The following DEGS2 variants were observed in gnomAD, a reference collection of about 807,000 sequenced individuals.
The protein encoded by DEGS2 is sphingolipid delta(4)-desaturase/C4-monooxygenase DES2.
Under a neutral mutation model 23.8 loss-of-function variants are expected in DEGS2, and 19 were observed. The observed-to-expected ratio is 0.80, with a 90% CI of 0.56 to 1.17. The LOEUF (loss-of-function observed/expected upper bound fraction) is 1.17, where lower values mean the gene tolerates loss of function less well. Ranked by LOEUF, DEGS2 falls within the 50% of genes most tolerant of loss-of-function variation. DEGS2 has a pLI of 0.00. For missense variants in DEGS2, 390 were observed against 459.5 expected, an observed-to-expected ratio of 0.85 and a Z score of 1.38; for synonymous variants, 218 against 213.7, an observed-to-expected ratio of 1.02 and a Z score of -0.18.
upstream of DEGS2, among the ~76,000 whole-genome samples, chr14:100,161,337 A>T (rs936083162): frequency 6.6e-6 from 1 of 152,172 alleles, no homozygotes; most frequent in Non-Finnish European, 1.5e-5. Flanking sequence ...AGAGGGGACA[A>T]GTCAGAGGAC....
At chr14:100,158,446 C>T (rs1394730753) in intron 1 of DEGS2, among the ~76,000 whole-genome samples, 1 of 152,006 alleles carries the variant, frequency 6.6e-6, no homozygotes, top group Admixed American at 6.6e-5. Context: ...CCTGTAATCC[C>T]AGCTACTCAG....
Position 100,146,727 on chromosome 14 carries a change from G to A in DEGS2, c.*34C>T. 1 of 1,608,380 alleles carries A rather than the reference G, an allele frequency of 6.2e-7. No homozygotes were observed. The highest frequency in any genetic ancestry group is 2.2e-5 in the East Asian group (1 of 44,808). On this transcript the variant is annotated 3_prime_UTR_variant, in exon 3 of 3. Coordinates refer to ENST00000305631, the MANE Select transcript of DEGS2 (RefSeq NM_206918.3). ...GGGTGCAAGGCTGAGGGGCCGATGGGGGACAATGGCCACCACCAGGAGGCA... is the reference window on the plus strand; with the variant it reads ...GGGTGCAAGGCTGAGGGGCCGATGGAGGACAATGGCCACCACCAGGAGGCA...
At position 100,149,475 on chromosome 14, in the gene DEGS2, G is replaced by A. The variant is rs747923304; in HGVS notation, c.318C>T (p.Arg106=). 2 of 1,595,784 alleles carry A rather than the reference G, an allele frequency of 1.3e-6. No individual in the cohort carries two copies. The highest frequency in any genetic ancestry group is 1.7e-6 in the Non-Finnish European group (2 of 1,171,408). ...GCAGGTTGGCGAACACGGCCAGCCAGCGGTTGCGTGCCGCACGGCCCGTGC... is the reference window on the plus strand; with the variant it reads ...GCAGGTTGGCGAACACGGCCAGCCAACGGTTGCGTGCCGCACGGCCCGTGC... ...AFGTGRAARN[R]WLAVFANLPV... is the part of the protein sequence containing the mutation. Residue 106 remains arginine, a synonymous_variant, in exon 2 of 3, where the codon CGC becomes CGT. Transcript: ENST00000305631.
chr14:100,156,824 C>G (rs556637026), intron 1 of DEGS2, among the ~76,000 whole-genome samples: 1 of 41,932 alleles, frequency 2.4e-5, no homozygotes, highest in Non-Finnish European at 5.8e-5. Context: ...GGGACATTCA[C>G]CTGGGGGAAC....
At position 100,146,447 on chromosome 14, in the gene DEGS2, G is replaced by C. The variant is rs575771340; in HGVS notation, c.*314C>G. 8.9e-6 allele frequency: 3 copies of C among 337,522 alleles called. No individual in the cohort carries two copies. Among genetic ancestry groups the C allele is most frequent in the Non-Finnish European group, 1.1e-5 (2 of 184,010 alleles). 20.9% of individuals were successfully genotyped at this position (337,522 alleles called of 1,614,324 possible). On this transcript the variant is annotated 3_prime_UTR_variant, in exon 3 of 3. Coordinates refer to ENST00000305631, the MANE Select transcript of DEGS2 (RefSeq NM_206918.3). ...GAAACAAACGCCGGGTTTAATGTAGGGCACAGGCACCCCGGAGAAGTCAGC... is the reference window on the plus strand; with the variant it reads ...GAAACAAACGCCGGGTTTAATGTAGCGCACAGGCACCCCGGAGAAGTCAGC...
At chr14:100,148,917 G>A (rs541685087) in intron 2 of DEGS2, 51 bp downstream of exon 2, 50 of 1,568,060 alleles carry the variant, frequency 3.2e-5, no homozygotes, top group South Asian at 2.3e-4. Flanking sequence ...CACCTCCTCC[G>A]ATGGCTGTGC....
upstream of DEGS2, among the ~76,000 whole-genome samples, chr14:100,160,620 C>T (rs973959604): frequency 8.5e-5 from 13 of 152,222 alleles, no homozygotes; most frequent in African/African-American, 2.7e-4. Context: ...AGCCTGGCCT[C>T]GGCTGGCAGT....
rs1340659379 is a variant in DEGS2, at chr14:100,145,132, G to A, written c.*1629C>T. ...CCCAAGGCCAGGAGTCTCCCCAGGAGCGCTCAAAGGACTGTCTGTCTTCGG... is the reference window on the plus strand; with the variant it reads ...CCCAAGGCCAGGAGTCTCCCCAGGAACGCTCAAAGGACTGTCTGTCTTCGG... On this transcript the variant is annotated 3_prime_UTR_variant, in exon 3 of 3. Coordinates refer to ENST00000305631, the MANE Select transcript of DEGS2 (RefSeq NM_206918.3). The A allele has an allele frequency of 6.6e-6, 1 of 152,546 alleles. No homozygotes were observed. Among genetic ancestry groups the A allele is most frequent in the Non-Finnish European group, 1.5e-5 (1 of 68,286 alleles). The allele number at this position is 152,546 out of a possible 1,614,324, so 9.4% of individuals were successfully genotyped here.
rs973504598 is a variant in DEGS2 at position 100,145,032 on chromosome 14, C to T, written c.*1729G>A. ...CACCTAGGTCTGGTGGCACTTTTAACCCAGGGCCTGCAGACCACAGCTCAG... is the reference window on the plus strand; with the variant it reads ...CACCTAGGTCTGGTGGCACTTTTAATCCAGGGCCTGCAGACCACAGCTCAG... On this transcript the variant is annotated 3_prime_UTR_variant, in exon 3 of 3. Coordinates refer to ENST00000305631, the MANE Select transcript of DEGS2 (RefSeq NM_206918.3). The T allele has an allele frequency of 2.0e-5, 3 of 152,400 alleles. No individual in the cohort carries two copies. The highest frequency in any genetic ancestry group is 7.2e-5 in the African/African-American group (3 of 41,458). 9.4% of individuals were successfully genotyped at this position (152,400 alleles called of 1,614,324 possible).
upstream of DEGS2, among the ~76,000 whole-genome samples, chr14:100,162,474 C>T (rs1342785133): frequency 1.3e-5 from 2 of 152,136 alleles, no homozygotes; most frequent in Non-Finnish European, 2.9e-5. Flanking sequence ...GCAGGCAGAT[C>T]ACCAGGCTGG....
chr14:100,155,700 A>C (rs1024840305), intron 1 of DEGS2: 8 of 152,248 alleles, frequency 5.3e-5, no homozygotes, highest in African/African-American at 1.9e-4. Context: ...TACCACTGAC[A>C]GAGCCTCAGC....
chr14:100,144,984 T>G lies in DEGS2; in HGVS notation c.*1777A>C, dbSNP rs960651546. The G allele has an allele frequency of 2.6e-5, 4 of 152,278 alleles. No individual in the cohort carries two copies. Among genetic ancestry groups the G allele is most frequent in the Non-Finnish European group, 4.4e-5 (3 of 68,084 alleles). 9.4% of individuals were successfully genotyped at this position (152,278 alleles called of 1,614,324 possible). A position where few individuals can be genotyped will look rare whatever the true frequency, so the allele number is the denominator to read the frequency against. On this transcript the variant is annotated 3_prime_UTR_variant, in exon 3 of 3. Transcript: ENST00000305631. The stretch of plus-strand genomic sequence containing the variant: ...CTCTGCCCCTTAGGAGGCTCCACTC[T>G]CTGAGTGGCTTCGCCTAGGCTTCAC...
chr14:100,165,578 G>A, the DEGS2 span, among the ~76,000 whole-genome samples: 5 of 152,340 alleles, frequency 3.3e-5, no homozygotes, highest in South Asian at 4.1e-4. Flanking sequence ...GGTTCCACCG[G>A]GCGGCCGCGG....
intron 1 of DEGS2, among the ~76,000 whole-genome samples, chr14:100,154,603 C>T (rs1889629396): frequency 6.6e-6 from 1 of 152,264 alleles, no homozygotes; most frequent in South Asian, 2.1e-4. Context: ...TTAGCAGGCT[C>T]ACTCATAAAA....
Position 100,149,355 on chromosome 14 carries a change from CG to C in DEGS2, c.437del (p.Thr146SerfsTer37), listed in dbSNP as rs774970113. ...GGDGLDVDVP[T>X]RLEGWFFCTP... ...TGCAGAAGAACCAGCCCTCCAGACG[CG>C]TGGGCACGTCCACGTCCAGCCCGTC... On this transcript the variant is annotated frameshift_variant, in exon 2 of 3. Transcript: ENST00000305631. LOFTEE classifies it high-confidence loss of function. The C allele has an allele frequency of 1.2e-6, 2 of 1,608,700 alleles. No individual in the cohort carries two copies. The highest frequency in any genetic ancestry group is 1.7e-6 in the Non-Finnish European group (2 of 1,177,602).
In DEGS2 at chr14:100,159,595, CG is replaced by C; in HGVS notation, c.-9del. On this transcript the variant is annotated 5_prime_UTR_variant, in exon 1 of 3. Coordinates refer to ENST00000305631, the MANE Select transcript of DEGS2 (RefSeq NM_206918.3). ...GCTCGCGCTGTTGCCCATGGTGGGGCGGGAGGCGCCGTTCGGAGCGCGGCCG... is the reference window on the plus strand; with the variant it reads ...GCTCGCGCTGTTGCCCATGGTGGGGCGGAGGCGCCGTTCGGAGCGCGGCCG... 7.2e-7 allele frequency: 1 copy of C among 1,396,922 alleles called. No homozygotes were observed. The highest frequency in any genetic ancestry group is 2.5e-5 in the Admixed American group (1 of 40,814). 86.5% of individuals were successfully genotyped at this position (1,396,922 alleles called of 1,614,324 possible). A position where few individuals can be genotyped will look rare whatever the true frequency, so the allele number is the denominator to read the frequency against.
chr14:100,152,940 G>T (rs1354748076), intron 1 of DEGS2, among the ~76,000 whole-genome samples: 2 of 152,142 alleles, frequency 1.3e-5, no homozygotes, highest in Non-Finnish European at 2.9e-5. Flanking sequence ...GAAAGGGAAG[G>T]AAGGAAGATA....
In DEGS2 at chr14:100,149,721, G is replaced by A. The variant is rs1250125438; in HGVS notation, c.83-11C>T. The A allele has an allele frequency of 6.3e-7, 1 of 1,588,130 alleles. No individual in the cohort carries two copies. The highest frequency in any genetic ancestry group is 2.2e-5 in the East Asian group (1 of 44,544). On this transcript the variant is annotated splice_polypyrimidine_tract_variant and intron_variant, in intron 1 of 2. Transcript: ENST00000305631. ...TGGCCGGGTACTTGGCTGCAAGGAA[G>A]ACAGGGAGGTATGAGGCCCCGCTCG...
At chr14:100,154,889 C>A (rs950501815) in intron 1 of DEGS2, among the ~76,000 whole-genome samples, 4 of 152,210 alleles carry the variant, frequency 2.6e-5, no homozygotes, top group Non-Finnish European at 5.9e-5. Context: ...GGCCACTCCA[C>A]CCCTGCCCCT....
Sources: allele counts gnomAD v4.1 joint callset (sites outside exome capture counted in the v4.1 genomes callset), GRCh38; gene constraint gnomAD v4.1.1; transcripts MANE v1.5; gene names NCBI Gene and HGNC (gene_info 2026-07-23, HGNC 2026-07-21).